Variants in DLGAP1 observed in about 807,000 individuals in gnomAD.
The protein encoded by DLGAP1 is DLG associated protein 1.
DLGAP1 carries 11 observed loss-of-function variants against 90.8 expected under a neutral mutation model. That is an observed-to-expected ratio of 0.12 (90% CI 0.08 to 0.20). The LOEUF (loss-of-function observed/expected upper bound fraction) is 0.20. Among genes scored for constraint, DLGAP1 ranks in the 10% least tolerant of loss-of-function variants. DLGAP1 has a pLI of 1.00. For synonymous variants in DLGAP1, 558 were observed against 540.7 expected, an observed-to-expected ratio of 1.03 and a Z score of -0.44; for missense variants, 1,050 against 1,333.8, an observed-to-expected ratio of 0.79 and a Z score of 3.31.
At chr18:4,032,649 A>G (rs1598273064) in intron 2 of DLGAP1, among the ~76,000 whole-genome samples, 1 of 152,178 alleles carries the variant, frequency 6.6e-6, no homozygotes, top group East Asian at 1.9e-4. Flanking sequence ...GGGGTGGATG[A>G]TCATGTCACA....
intron 1 of DLGAP1, among the ~76,000 whole-genome samples, chr18:4,369,930 G>A (rs1185097687): frequency 6.6e-6 from 1 of 151,994 alleles, no homozygotes; most frequent in Non-Finnish European, 1.5e-5. Flanking sequence ...CCCAGCTGGA[G>A]CAGCCTGGAG....
chr18:4,355,546 T>C (rs1417391843), intron 1 of DLGAP1, among the ~76,000 whole-genome samples: 1 of 151,836 alleles, frequency 6.6e-6, no homozygotes, highest in African/African-American at 2.4e-5. Context: ...CAGATCTACA[T>C]ACGTGATAAA....
In DLGAP1 at chr18:3,496,799, A is replaced by G. The variant is rs2049709937; in HGVS notation, c.*2386T>C. On this transcript the variant is annotated 3_prime_UTR_variant, in exon 13 of 13. Transcript: ENST00000315677. ...CTAACACCAATAATTAGCTTTTTAT[A>G]AAGTGTTTGTACAATTTAAATTGTA... 6.6e-6 allele frequency: 1 copy of G among 152,208 alleles called. No homozygotes were observed. The highest frequency in any genetic ancestry group is 1.5e-5 in the Non-Finnish European group (1 of 68,038). The allele number at this position is 152,208 out of a possible 1,614,324, so 9.4% of individuals were successfully genotyped here. A position where few individuals can be genotyped will look rare whatever the true frequency, so the allele number is the denominator to read the frequency against.
At chr18:4,063,224 G>A (rs2075323922) in intron 2 of DLGAP1, among the ~76,000 whole-genome samples, 1 of 152,032 alleles carries the variant, frequency 6.6e-6, no homozygotes, top group Non-Finnish European at 1.5e-5. Flanking sequence ...AGTCACTGAA[G>A]CAATGTTACA....
intron 2 of DLGAP1, among the ~76,000 whole-genome samples, chr18:4,108,840 A>G (rs1290366301): frequency 6.6e-6 from 1 of 150,692 alleles, no homozygotes; most frequent in East Asian, 2.0e-4. Context: ...TAGAAGGAGA[A>G]AGGGCTCAGG....
At chr18:4,037,889 A>C (rs1316910818) in intron 2 of DLGAP1, among the ~76,000 whole-genome samples, 3 of 152,176 alleles carry the variant, frequency 2.0e-5, no homozygotes, top group African/African-American at 7.2e-5. Context: ...GAACCCAGGA[A>C]GCGGAAGTTG....
intron 5 of DLGAP1, chr18:3,770,048 A>G (rs1046268192): frequency 7.2e-5 from 11 of 152,196 alleles, no homozygotes; most frequent in African/African-American, 2.7e-4. Context: ...AAAGCTGGAC[A>G]TTGGAACTGA....
chr18:4,138,625 T>G (rs2076445469), intron 2 of DLGAP1, among the ~76,000 whole-genome samples: 1 of 152,062 alleles, frequency 6.6e-6, no homozygotes, highest in Non-Finnish European at 1.5e-5. Context: ...TTGTCTGGTT[T>G]TGGTATCAGA....
At chr18:3,639,835 A>G (rs931098327) in intron 7 of DLGAP1, among the ~76,000 whole-genome samples, 1 of 136,432 alleles carries the variant, frequency 7.3e-6, no homozygotes, top group African/African-American at 2.9e-5. Flanking sequence ...GCTCACTGCA[A>G]GCTCCGCCTC....
intron 7 of DLGAP1, among the ~76,000 whole-genome samples, chr18:3,673,050 A>G (rs1315860017): frequency 6.6e-6 from 1 of 152,222 alleles, no homozygotes; most frequent in African/African-American, 2.4e-5. Context: ...TGGCAAAAGG[A>G]TAAAGTTCAA....
chr18:4,213,339 T>C (rs1176991818), intron 1 of DLGAP1, among the ~76,000 whole-genome samples: 1 of 152,088 alleles, frequency 6.6e-6, no homozygotes, highest in Admixed American at 6.6e-5. Flanking sequence ...TGGCAGAAAC[T>C]GAGGCAAGAA....
intron 2 of DLGAP1, among the ~76,000 whole-genome samples, chr18:4,045,656 T>C (rs1274488106): frequency 1.3e-5 from 2 of 151,794 alleles, no homozygotes; most frequent in South Asian, 2.1e-4. Context: ...ATAATCATAT[T>C]GCTGCTTTTC....
chr18:3,657,027 T>C (rs912922808), intron 7 of DLGAP1, among the ~76,000 whole-genome samples: 1 of 152,334 alleles, frequency 6.6e-6, no homozygotes, highest in East Asian at 1.9e-4. Flanking sequence ...ATTACAGGCG[T>C]GAGCCACCAC....
At chr18:3,894,057 T>C (rs140217470) in intron 3 of DLGAP1, among the ~76,000 whole-genome samples, 123 of 152,360 alleles carry the variant, frequency 8.1e-4, no homozygotes, top group South Asian at 3.1e-3. Flanking sequence ...GCTCACTCTT[T>C]AATGGGGTTA....
In DLGAP1 at chr18:4,383,358, G is replaced by A. The variant is rs886959084; in HGVS notation, c.-267+71648C>T. ...ACTCAAAATATTTAGTACATTAATG[G>A]GATTTTCATGGTTTTCATTAGCATT... On this transcript the variant is annotated intron_variant, in intron 1 of 12. Transcript: ENST00000315677. This position sits in a 1 kb window ranked among gnomAD's most constrained non-coding sequence, Gnocchi z 4.0. 4.6e-5 allele frequency among the ~76,000 whole-genome samples: 7 copies of A among 151,868 alleles called. No individual in the cohort carries two copies. The highest frequency in any genetic ancestry group is 1.5e-4 in the African/African-American group (6 of 41,366).
intron 2 of DLGAP1, among the ~76,000 whole-genome samples, chr18:4,019,929 G>A (rs2074583052): frequency 6.6e-6 from 1 of 152,166 alleles, no homozygotes; most frequent in African/African-American, 2.4e-5. Flanking sequence ...ATTTCAGGGA[G>A]ACATAGTACA....
chr18:4,230,451 C>T (rs187778061), intron 1 of DLGAP1, among the ~76,000 whole-genome samples: 12 of 151,962 alleles, frequency 7.9e-5, no homozygotes, highest in Admixed American at 3.9e-4. Context: ...GTACTGTTAG[C>T]CATAAAAAAT....
chr18:4,441,562 G>C (rs1277039786), intron 1 of DLGAP1, among the ~76,000 whole-genome samples: 1 of 152,190 alleles, frequency 6.6e-6, no homozygotes, highest in Non-Finnish European at 1.5e-5. Flanking sequence ...GAACAAAGCA[G>C]CTTTGCCTTC....
At chr18:4,256,032 A>G (rs2078881323) in intron 1 of DLGAP1, among the ~76,000 whole-genome samples, 2 of 152,210 alleles carry the variant, frequency 1.3e-5, no homozygotes, top group Non-Finnish European at 2.9e-5. Flanking sequence ...AACTCAAGGC[A>G]GCTAATAAGG....
Sources: gnomAD v4.1 joint callset for allele counts (sites outside exome capture counted in the v4.1 genomes callset) on GRCh38, gnomAD v4.1.1 for gene constraint, Gnocchi (gnomAD v3.1) non-coding constraint, MANE v1.5 for transcripts, NCBI Gene and HGNC (gene_info 2026-07-23, HGNC 2026-07-21) for gene names.